The following PDZRN4 variants were observed in gnomAD, a reference collection of about 807,000 sequenced individuals.
PDZRN4 encodes the protein PDZ domain containing ring finger 4.
A neutral mutation model predicts 99.0 loss-of-function variants in PDZRN4; 70 were observed. The observed-to-expected ratio is 0.71, with a 90% CI of 0.58 to 0.86. The LOEUF (loss-of-function observed/expected upper bound fraction) is 0.86, where lower values mean the gene tolerates loss of function less well. PDZRN4 is among the 40% of genes least tolerant of loss of function. The pLI is 0.00. For missense variants in PDZRN4, 1,474 were observed against 1,331.2 expected, an observed-to-expected ratio of 1.11 and a Z score of -1.67; for synonymous variants, 551 against 501.6, an observed-to-expected ratio of 1.10 and a Z score of -1.32.
intron 3 of PDZRN4, among the ~76,000 whole-genome samples, chr12:41,244,143 G>A (rs1266862139): frequency 6.6e-6 from 1 of 151,312 alleles, no homozygotes; most frequent in African/African-American, 2.4e-5. Context: ...TCCAATTCCT[G>A]CCCCCAAAAT....
At chr12:41,281,082 G>A (rs1375832117) in intron 3 of PDZRN4, among the ~76,000 whole-genome samples, 1 of 152,040 alleles carries the variant, frequency 6.6e-6, no homozygotes, top group South Asian at 2.1e-4. Flanking sequence ...AGGGTCTGGA[G>A]TGGACCCACA....
At chr12:41,545,517 G>C (rs1050813324) in intron 5 of PDZRN4, among the ~76,000 whole-genome samples, 4 of 73,972 alleles carry the variant, frequency 5.4e-5, no homozygotes, top group Admixed American at 1.1e-4. Flanking sequence ...TAATGTGTGT[G>C]TGTGTGTGTG....
intron 5 of PDZRN4, among the ~76,000 whole-genome samples, chr12:41,537,158 A>T (rs77726648): frequency 0.019 from 2,962 of 152,230 alleles, 83 homozygotes; most frequent in African/African-American, 0.064. Flanking sequence ...CCATTAAAAC[A>T]CTATAAGCTC....
intron 3 of PDZRN4, among the ~76,000 whole-genome samples, chr12:41,467,032 G>C (rs1324893013): frequency 6.6e-6 from 1 of 152,222 alleles, no homozygotes; most frequent in African/African-American, 2.4e-5. Flanking sequence ...TTTGGGAATG[G>C]AATGATAAGG....
At chr12:41,249,283 G>T (rs372378203) in intron 3 of PDZRN4, among the ~76,000 whole-genome samples, 17 of 152,148 alleles carry the variant, frequency 1.1e-4, no homozygotes, top group African/African-American at 3.9e-4. Context: ...ACCACAAAAA[G>T]TACATTGTTA....
Position 41,481,771 on chromosome 12 carries a change from A to G in PDZRN4, c.844-24685A>G, listed in dbSNP as rs11180949. Among the ~76,000 whole-genome samples, 1,062 of 152,182 alleles carry G rather than the reference A, an allele frequency of 7.0e-3. 40 individuals carry two copies. The East Asian group carries it at 0.13, about 18-fold the overall frequency. Reference sequence around the variant, plus strand: ...ATTATTGTTTATCTTTTTTATGTACATGTCCAATCTCTACAACTAAATCGA... The same window carrying G: ...ATTATTGTTTATCTTTTTTATGTACGTGTCCAATCTCTACAACTAAATCGA... On this transcript the variant is annotated intron_variant, in intron 3 of 9. Coordinates refer to ENST00000402685, the MANE Select transcript of PDZRN4 (RefSeq NM_001164595.2).
intron 3 of PDZRN4, among the ~76,000 whole-genome samples, chr12:41,448,702 C>T (rs748271305): frequency 6.6e-6 from 1 of 152,126 alleles, no homozygotes; most frequent in Non-Finnish European, 1.5e-5. Flanking sequence ...AAAGAAACTA[C>T]ATATGCTATG....
At chr12:41,432,794 AT>A (rs1565581373) in intron 3 of PDZRN4, among the ~76,000 whole-genome samples, 1 of 152,220 alleles carries the variant, frequency 6.6e-6, no homozygotes, top group Non-Finnish European at 1.5e-5. Flanking sequence ...GGATAGTTTA[AT>A]TTGTGGGGTT....
chr12:41,482,042 T>C (rs1027150613), intron 3 of PDZRN4, among the ~76,000 whole-genome samples: 4 of 152,144 alleles, frequency 2.6e-5, no homozygotes, highest in Admixed American at 1.3e-4. Flanking sequence ...GGACTTCAAA[T>C]TCATTTTGAT....
intron 3 of PDZRN4, among the ~76,000 whole-genome samples, chr12:41,369,654 T>C (rs1182691184): frequency 6.6e-6 from 1 of 152,058 alleles, no homozygotes; most frequent in Admixed American, 6.6e-5. Flanking sequence ...AATCTCTGTC[T>C]TTACGCATTT....
intron 3 of PDZRN4, among the ~76,000 whole-genome samples, chr12:41,269,520 T>G (rs1412548527): frequency 6.6e-6 from 1 of 152,174 alleles, no homozygotes; most frequent in East Asian, 1.9e-4. Flanking sequence ...AAAACAACAC[T>G]TCTGATCTAA....
intron 5 of PDZRN4, among the ~76,000 whole-genome samples, chr12:41,523,541 C>T (rs1242954545): frequency 1.3e-5 from 2 of 152,062 alleles, no homozygotes; most frequent in Non-Finnish European, 2.9e-5. Flanking sequence ...TTATTAAGCA[C>T]CTAGTTCGTA....
intron 3 of PDZRN4, among the ~76,000 whole-genome samples, chr12:41,450,046 C>A (rs1162466322): frequency 2.6e-5 from 4 of 151,864 alleles, no homozygotes; most frequent in Admixed American, 2.6e-4. Flanking sequence ...ATGAGAATTT[C>A]TTCAACTGCA....
chr12:41,301,358 A>G (rs2120930752), intron 3 of PDZRN4, among the ~76,000 whole-genome samples: 1 of 152,172 alleles, frequency 6.6e-6, no homozygotes, highest in African/African-American at 2.4e-5. Flanking sequence ...TATTCTGCAG[A>G]ACAGTGGAAT....
intron 3 of PDZRN4, among the ~76,000 whole-genome samples, chr12:41,214,447 A>AAAAAAAAAAAAAAAAAAAAAAAAAAAG (rs1335173003): frequency 6.8e-6 from 1 of 146,740 alleles, no homozygotes; most frequent in Non-Finnish European, 1.5e-5. Context: ...AAAAAAAAAA[A>AAAAAAAAAAAAAAAAAAAAAAAAAAAG]AAAGTTATCT....
chr12:41,328,094 C>G (rs1441423699), intron 3 of PDZRN4, among the ~76,000 whole-genome samples: 1 of 151,666 alleles, frequency 6.6e-6, no homozygotes, highest in Non-Finnish European at 1.5e-5. Context: ...GGTGGTCTAC[C>G]CAACTATTAA....
At chr12:41,281,087 C>G (rs1364779751) in intron 3 of PDZRN4, among the ~76,000 whole-genome samples, 1 of 147,794 alleles carries the variant, frequency 6.8e-6, no homozygotes, top group African/African-American at 2.4e-5. Flanking sequence ...CTGGAGTGGA[C>G]CCACAGCAAA....
intron 5 of PDZRN4, among the ~76,000 whole-genome samples, chr12:41,535,352 C>T (rs1938731081): frequency 6.6e-6 from 1 of 152,202 alleles, no homozygotes. Context: ...TGCCAGACTT[C>T]TGAAGATATT....
intron 3 of PDZRN4, among the ~76,000 whole-genome samples, chr12:41,262,038 G>A (rs760273282): frequency 5.9e-5 from 9 of 152,098 alleles, no homozygotes; most frequent in Non-Finnish European, 1.3e-4. Flanking sequence ...ACATTTGTCC[G>A]GTGATTGCAA....
Sources: allele counts gnomAD v4.1 joint callset (sites outside exome capture counted in the v4.1 genomes callset), GRCh38; gene constraint gnomAD v4.1.1; transcripts MANE v1.5; gene names NCBI Gene and HGNC (gene_info 2026-07-23, HGNC 2026-07-21).